Variants in MAPT observed in about 807,000 individuals in gnomAD.
The protein encoded by MAPT is microtubule associated protein tau.
Under a neutral mutation model 67.9 loss-of-function variants are expected in MAPT, and 34 were observed. The ratio of observed to expected loss-of-function variants is 0.50; its 90% CI spans 0.38 to 0.67. The LOEUF is 0.67. MAPT is among the 30% of genes least tolerant of loss of function. The pLI is 0.00. For synonymous variants in MAPT, 456 were observed against 464.5 expected, an observed-to-expected ratio of 0.98 and a Z score of 0.23; for missense variants, 881 against 1,115.2, an observed-to-expected ratio of 0.79 and a Z score of 2.99.
chr17:45,901,930 T>C lies in MAPT; in HGVS notation c.-18+7244T>C, dbSNP rs978745102. ...GGGATTTTACTTTTTTTTTTTTTTT[T>C]CATGGTCTTTACCATCCCATTTGAT... On this transcript the variant is annotated intron_variant, in intron 1 of 12. Coordinates refer to ENST00000262410, the MANE Select transcript of MAPT (RefSeq NM_001377265.1). Among the ~76,000 whole-genome samples, 8 of 148,366 alleles carry C rather than the reference T, an allele frequency of 5.4e-5. No homozygotes were observed. The South Asian group carries it at 6.4e-4, about 12-fold the overall frequency.
At chr17:45,921,261 G>A (rs779141616) in intron 1 of MAPT, among the ~76,000 whole-genome samples, 2 of 152,246 alleles carry the variant, frequency 1.3e-5, no homozygotes, top group African/African-American at 4.8e-5. Context: ...TTTCATTTCC[G>A]GAATGGACCA....
intron 7 of MAPT, chr17:45,990,631 C>A: frequency 3.1e-6 from 1 of 326,364 alleles, no homozygotes; most frequent in Non-Finnish European, 6.1e-6. Flanking sequence ...AAAATTGCTA[C>A]TCTCATTGGG....
At chr17:45,967,928 T>A (rs1369708363) in intron 2 of MAPT, among the ~76,000 whole-genome samples, 1 of 151,984 alleles carries the variant, frequency 6.6e-6, no homozygotes, top group African/African-American at 2.4e-5. Context: ...CCTGGCCAGT[T>A]CCTCCCACAA....
intron 1 of MAPT, among the ~76,000 whole-genome samples, chr17:45,932,308 C>G (rs2066913106): frequency 6.6e-6 from 1 of 151,518 alleles, no homozygotes; most frequent in South Asian, 2.1e-4. Context: ...AATTTACTCT[C>G]TGCCAGGCAC....
chr17:45,927,728 C>T (rs776386079), intron 1 of MAPT, among the ~76,000 whole-genome samples: 6 of 152,140 alleles, frequency 3.9e-5, no homozygotes, highest in African/African-American at 4.8e-5. Flanking sequence ...AGGCCAGGCG[C>T]GGTGACTCAC....
chr17:45,900,195 T>G (rs1244571666), intron 1 of MAPT, among the ~76,000 whole-genome samples: 2 of 152,186 alleles, frequency 1.3e-5, no homozygotes, highest in Non-Finnish European at 1.5e-5. Flanking sequence ...GGCTTTGCAA[T>G]AAGTATTCCA....
At position 45,995,057 on chromosome 17, in the gene MAPT, A is replaced by C. The variant is rs75944932; in HGVS notation, c.1733-1342A>C. ...AATAAGACTCCGTCTCAAAAAAAAA[A>C]CCACAAAAAAACAAAACAACAACAA... On this transcript the variant is annotated intron_variant, in intron 8 of 12. Coordinates refer to ENST00000262410, the MANE Select transcript of MAPT (RefSeq NM_001377265.1). This position sits in a 1 kb window ranked among gnomAD's most constrained non-coding sequence, Gnocchi z 4.3. Among the ~76,000 whole-genome samples the C allele has an allele frequency of 0.14, 22,013 of 151,988 alleles. 2,138 individuals are homozygous for C. The highest frequency in any genetic ancestry group is 0.22 in the Non-Finnish European group (14,730 of 67,926).
intron 4 of MAPT, among the ~76,000 whole-genome samples, chr17:45,982,574 C>T (rs1426228938): frequency 6.6e-6 from 1 of 152,102 alleles, no homozygotes; most frequent in African/African-American, 2.4e-5. Context: ...GAATAACACC[C>T]ACACCAGAAG....
chr17:45,961,280 C>G lies in MAPT; in HGVS notation c.-17-1041C>G, dbSNP rs373086706. Among the ~76,000 whole-genome samples, 15 of 152,334 alleles carry G rather than the reference C, an allele frequency of 9.8e-5. No homozygotes were observed. The East Asian group carries it at 1.7e-3, about 18-fold the overall frequency. Reference sequence around the variant, plus strand: ...AGTAAATGGTGGTTTCTATCCAGCTCTGTTGAGCTGAAGTGGCATCTCCCT... The same window carrying G: ...AGTAAATGGTGGTTTCTATCCAGCTGTGTTGAGCTGAAGTGGCATCTCCCT... On this transcript the variant is annotated intron_variant, in intron 1 of 12. Coordinates refer to ENST00000262410, the MANE Select transcript of MAPT (RefSeq NM_001377265.1).
intron 1 of MAPT, among the ~76,000 whole-genome samples, chr17:45,946,615 A>AAAAAAAAAAATATAT: frequency 1.4e-4 from 14 of 100,404 alleles, no homozygotes; most frequent in African/African-American, 5.7e-4. Context: ...AAAAAAAAAA[A>AAAAAAAAAAATATAT]ATATATATAT....
At chr17:45,968,218 A>AC (rs67288720) in intron 2 of MAPT, among the ~76,000 whole-genome samples, 2 of 151,652 alleles carry the variant, frequency 1.3e-5, no homozygotes, top group African/African-American at 4.9e-5. Context: ...ACAAAAAAAA[A>AC]CCCCACCATT....
chr17:45,965,952 G>T (rs2071033972), intron 2 of MAPT, among the ~76,000 whole-genome samples: 1 of 152,136 alleles, frequency 6.6e-6, no homozygotes, highest in Non-Finnish European at 1.5e-5. Flanking sequence ...TGCCAGAGCA[G>T]GTCCATGGCT....
chr17:45,948,718 T>C (rs1263985047), intron 1 of MAPT, among the ~76,000 whole-genome samples: 1 of 152,208 alleles, frequency 6.6e-6, no homozygotes, highest in Non-Finnish European at 1.5e-5. Context: ...AGCTGTATTA[T>C]GTCAGCATAA....
intron 12 of MAPT, among the ~76,000 whole-genome samples, chr17:46,020,770 A>G (rs560374071): frequency 1.3e-5 from 2 of 152,240 alleles, no homozygotes; most frequent in African/African-American, 4.8e-5. Context: ...CTCCTCTATG[A>G]TTCAATTACC....
chr17:45,941,705 G>GCCTTCCTTCCTTCCTT (rs1201409768), intron 1 of MAPT, among the ~76,000 whole-genome samples: 12 of 25,598 alleles, frequency 4.7e-4, no homozygotes, highest in African/African-American at 1.2e-3. Context: ...CTTCCTGCCT[G>GCCTTCCTTCCTTCCTT]CCTTCCTTCC....
intron 6 of MAPT, among the ~76,000 whole-genome samples, chr17:45,987,759 C>G (rs184659692): frequency 1.3e-5 from 2 of 152,226 alleles, no homozygotes; most frequent in Non-Finnish European, 2.9e-5. Context: ...GGGCTGCTCC[C>G]GGAAGTGCCT....
rs2065135223 is a variant in MAPT at position 45,915,489 on chromosome 17, G to A, written c.-18+20803G>A. 6.6e-6 allele frequency among the ~76,000 whole-genome samples: 1 copy of A among 151,004 alleles called. No individual in the cohort carries two copies. Among genetic ancestry groups the A allele is most frequent in the East Asian group, 1.9e-4 (1 of 5,140 alleles). ...GAGCATGTGTGGTGTGTTGTGATAT[G>A]TGTGTGGTGTGTGAGCATGTGTGTG... On this transcript the variant is annotated intron_variant, in intron 1 of 12. Transcript: ENST00000262410. The surrounding 1 kb of genome is among the most constrained non-coding windows in gnomAD (Gnocchi z 4.4).
chr17:45,982,018 C>CAAA lies in MAPT; in HGVS notation c.287-835_287-833dup, dbSNP rs1264327504. Among the ~76,000 whole-genome samples, 97 of 84,616 alleles carry CAAA rather than the reference C, an allele frequency of 1.1e-3. 1 individual carries two copies. Among genetic ancestry groups the CAAA allele is most frequent in the Non-Finnish European group, 1.4e-3 (60 of 42,172 alleles). The allele number at this position is 84,616 out of a possible 152,430, so 55.5% of individuals were successfully genotyped here. ...TGGGTGACAGAACGAGACCCTGTCT[C>CAAA]AAAAAAAAAAAAAAAGAAAGAAAGA... On this transcript the variant is annotated intron_variant, in intron 4 of 12. Coordinates refer to ENST00000262410, the MANE Select transcript of MAPT (RefSeq NM_001377265.1).
chr17:45,898,279 C>G (rs2063396176), intron 1 of MAPT: 1 of 152,198 alleles, frequency 6.6e-6, no homozygotes, highest in Non-Finnish European at 1.5e-5. Context: ...CATGACTGTT[C>G]CTGCTGGAAG....
Sources: gnomAD v4.1 joint callset for allele counts (sites outside exome capture counted in the v4.1 genomes callset) on GRCh38, gnomAD v4.1.1 for gene constraint, Gnocchi (gnomAD v3.1) non-coding constraint, MANE v1.5 for transcripts, NCBI Gene and HGNC (gene_info 2026-07-23, HGNC 2026-07-21) for gene names.